Variants in MCU observed in about 807,000 individuals in gnomAD.
MCU encodes mitochondrial calcium uniporter.
A neutral mutation model predicts 45.2 loss-of-function variants in MCU; 12 were observed. The observed-to-expected ratio is 0.27, with a 90% confidence interval of 0.17 to 0.43. The LOEUF (loss-of-function observed/expected upper bound fraction) is 0.43, where lower values mean the gene tolerates loss of function less well. Ranked by LOEUF, MCU falls within the 20% of genes least tolerant of loss-of-function variation. The pLI, the probability that MCU is intolerant of heterozygous loss-of-function variation, is 1.00. For missense variants in MCU, 324 were observed against 436.7 expected, an observed-to-expected ratio of 0.74 and a Z score of 2.30; for synonymous variants, 160 against 165.1, an observed-to-expected ratio of 0.97 and a Z score of 0.24.
At position 72,712,048 on chromosome 10, in the gene MCU, C is replaced by CA. The variant is rs200590499; in HGVS notation, c.150+19756dup. Among the ~76,000 whole-genome samples the CA allele has an allele frequency of 3.5e-3, 532 of 150,250 alleles. 1 individual carries two copies. Among genetic ancestry groups the CA allele is most frequent in the Admixed American group, 0.026 (394 of 15,056 alleles). ...TTCTTAAAAAAAAAAACCCAAAAAA[C>CA]AAAAAAAAACTTATTTAGTTGATAC... On this transcript the variant is annotated intron_variant, in intron 1 of 7. Coordinates refer to ENST00000373053, the MANE Select transcript of MCU (RefSeq NM_138357.3).
At chr10:72,838,940 T>C (rs998715912) in intron 2 of MCU, among the ~76,000 whole-genome samples, 1 of 152,044 alleles carries the variant, frequency 6.6e-6, no homozygotes, top group Non-Finnish European at 1.5e-5. Flanking sequence ...GAGCTATATT[T>C]CACATACCAT....
chr10:72,711,457 G>A (rs1275436943), intron 1 of MCU, among the ~76,000 whole-genome samples: 1 of 151,248 alleles, frequency 6.6e-6, no homozygotes, highest in Admixed American at 6.6e-5. Context: ...CTGACCTCAA[G>A]TGATCTGCCT....
At position 72,859,348 on chromosome 10, in the gene MCU, G is replaced by A; in HGVS notation, c.391+1G>A. 1.2e-6 allele frequency: 2 copies of A among 1,605,224 alleles called. No homozygotes were observed. The highest frequency in any genetic ancestry group is 1.7e-6 in the Non-Finnish European group (2 of 1,175,540). ...GACAGAGTTGCTATCTATTCACCAG[G>A]TATAGTCACCATCATTATTAATTAC... On this transcript the variant is annotated splice_donor_variant, in intron 3 of 7. Coordinates refer to ENST00000373053, the MANE Select transcript of MCU (RefSeq NM_138357.3). LOFTEE classifies it high-confidence loss of function.
intron 1 of MCU, among the ~76,000 whole-genome samples, chr10:72,763,576 G>A (rs1464860978): frequency 6.6e-6 from 1 of 152,110 alleles, no homozygotes; most frequent in African/African-American, 2.4e-5. Flanking sequence ...GGGATGAGTA[G>A]GGATGGAGAG....
At chr10:72,796,857 A>G (rs1344111776) in intron 1 of MCU, among the ~76,000 whole-genome samples, 1 of 152,094 alleles carries the variant, frequency 6.6e-6, no homozygotes, top group Non-Finnish European at 1.5e-5. Context: ...ACCAAGAATT[A>G]TTTAACAGAG....
intron 1 of MCU, among the ~76,000 whole-genome samples, chr10:72,711,283 C>T (rs1054333773): frequency 7.0e-5 from 10 of 143,822 alleles, no homozygotes; most frequent in African/African-American, 1.3e-4. Flanking sequence ...TGCAGTGGTG[C>T]GATCTCGGCT....
chr10:72,755,502 A>G (rs1589446094), intron 1 of MCU, among the ~76,000 whole-genome samples: 1 of 152,172 alleles, frequency 6.6e-6, no homozygotes, highest in Non-Finnish European at 1.5e-5. Context: ...TTGATGGTAG[A>G]GTGGGGAACA....
intron 1 of MCU, among the ~76,000 whole-genome samples, chr10:72,796,722 C>T (rs1398163952): frequency 7.2e-6 from 1 of 139,164 alleles, no homozygotes; most frequent in Non-Finnish European, 1.5e-5. Flanking sequence ...GAGATGGGGT[C>T]TTGCTATGTT....
At position 72,852,729 on chromosome 10, in the gene MCU, G is replaced by A. The variant is rs569471805; in HGVS notation, c.221-6448G>A. Reference sequence around the variant, plus strand: ...CAAGGCAGCTAGAATTTATGAGACAGAGGTTTACAGAGGAAGGAGCTATGA... The same window carrying A: ...CAAGGCAGCTAGAATTTATGAGACAAAGGTTTACAGAGGAAGGAGCTATGA... On this transcript the variant is annotated intron_variant, in intron 2 of 7. Coordinates refer to ENST00000373053, the MANE Select transcript of MCU (RefSeq NM_138357.3). 9.8e-5 allele frequency among the ~76,000 whole-genome samples: 15 copies of A among 152,328 alleles called. 1 individual carries two copies. The South Asian group carries it at 2.3e-3, about 23-fold the overall frequency.
chr10:72,730,953 A>G (rs1407185436), intron 1 of MCU: 1 of 152,160 alleles, frequency 6.6e-6, no homozygotes, highest in Admixed American at 6.5e-5. Flanking sequence ...GTTTTTAAAA[A>G]ATTGTTGTTA....
chr10:72,742,634 GA>G (rs1466570261), intron 1 of MCU, among the ~76,000 whole-genome samples: 10 of 152,202 alleles, frequency 6.6e-5, no homozygotes, highest in Non-Finnish European at 8.8e-5. Flanking sequence ...CAAAGTGGAA[GA>G]TAAGTCAAAC....
intron 1 of MCU, among the ~76,000 whole-genome samples, chr10:72,715,624 T>C (rs757029035): frequency 3.8e-4 from 58 of 152,186 alleles, no homozygotes; most frequent in Non-Finnish European, 6.2e-4. Flanking sequence ...GCAGCTCTCC[T>C]AGGAAAGCCA....
chr10:72,747,334 T>C (rs1843428334), intron 1 of MCU, among the ~76,000 whole-genome samples: 1 of 152,236 alleles, frequency 6.6e-6, no homozygotes, highest in Non-Finnish European at 1.5e-5. Flanking sequence ...TAAGGAGTAG[T>C]GCATTTTTAA....
At chr10:72,734,787 A>T (rs1313258551) in intron 1 of MCU, among the ~76,000 whole-genome samples, 1 of 151,938 alleles carries the variant, frequency 6.6e-6, no homozygotes, top group African/African-American at 2.4e-5. Flanking sequence ...CTATTAAAAA[A>T]ATTTTTTTTT....
chr10:72,877,346 A>G (rs1336906983), intron 6 of MCU, among the ~76,000 whole-genome samples: 1 of 152,234 alleles, frequency 6.6e-6, no homozygotes, highest in Non-Finnish European at 1.5e-5. Flanking sequence ...AAGCAAACAT[A>G]GGTGAATAGC....
At chr10:72,798,742 T>C (rs1844291524) in intron 1 of MCU, among the ~76,000 whole-genome samples, 1 of 152,158 alleles carries the variant, frequency 6.6e-6, no homozygotes, top group Non-Finnish European at 1.5e-5. Flanking sequence ...GCCCTCTCAT[T>C]AGCAGTTTGA....
chr10:72,753,151 T>C (rs1843526316), intron 1 of MCU, among the ~76,000 whole-genome samples: 1 of 152,258 alleles, frequency 6.6e-6, no homozygotes, highest in African/African-American at 2.4e-5. Context: ...CTTAGATTTG[T>C]ATTGTTTACA....
At chr10:72,713,682 A>G (rs899369234) in intron 1 of MCU, among the ~76,000 whole-genome samples, 1 of 152,284 alleles carries the variant, frequency 6.6e-6, no homozygotes, top group African/African-American at 2.4e-5. Flanking sequence ...AATGATTTCC[A>G]ATCATTTTCA....
intron 2 of MCU, among the ~76,000 whole-genome samples, chr10:72,843,166 C>T (rs1178226332): frequency 1.3e-5 from 2 of 152,112 alleles, no homozygotes; most frequent in Non-Finnish European, 2.9e-5. Context: ...AACCCCAAGT[C>T]CATAATTTTC....
Sources: gnomAD v4.1 joint callset for allele counts (sites outside exome capture counted in the v4.1 genomes callset) on GRCh38, gnomAD v4.1.1 for gene constraint, MANE v1.5 for transcripts, NCBI Gene and HGNC (gene_info 2026-07-23, HGNC 2026-07-21) for gene names.